The following SDK1 variants were observed in gnomAD, a reference collection of about 807,000 sequenced individuals.
SDK1 encodes protein sidekick-1.
A neutral mutation model predicts 245.5 loss-of-function variants in SDK1; 157 were observed. The observed-to-expected ratio is 0.64, with a 90% CI of 0.56 to 0.73. The LOEUF (loss-of-function observed/expected upper bound fraction) is 0.73. Among genes scored for constraint, SDK1 ranks in the 30% least tolerant of loss-of-function variants. The pLI, the probability that SDK1 is intolerant of heterozygous loss-of-function variation, is 0.00. For missense variants in SDK1, 3,583 were observed against 3,002.3 expected, an observed-to-expected ratio of 1.19 and a Z score of -4.52; for synonymous variants, 1,647 against 1,278.5, an observed-to-expected ratio of 1.29 and a Z score of -6.15.
chr7:4,144,995 C>T (rs375162783), intron 28 of SDK1, among the ~76,000 whole-genome samples: 19 of 152,060 alleles, frequency 1.2e-4, no homozygotes, highest in East Asian at 9.7e-4. Context: ...CAGATGCCAG[C>T]GGGGGAGGCC....
chr7:4,188,968 C>T (rs1314454085), intron 35 of SDK1, among the ~76,000 whole-genome samples: 1 of 151,936 alleles, frequency 6.6e-6, no homozygotes, highest in Non-Finnish European at 1.5e-5. Context: ...ACATTTTTTT[C>T]ATGTTTAGGA....
chr7:4,194,261 T>C (rs891163825), intron 35 of SDK1, among the ~76,000 whole-genome samples: 1 of 150,624 alleles, frequency 6.6e-6, no homozygotes. Context: ...TGTATGCACG[T>C]ATGTGTATAC....
chr7:4,010,965 G>C lies in SDK1; in HGVS notation c.2132-1G>C. On this transcript the variant is annotated splice_acceptor_variant, in intron 14 of 44. Coordinates refer to ENST00000404826, the MANE Select transcript of SDK1 (RefSeq NM_152744.4). LOFTEE classifies it high-confidence loss of function. ...TGAATTCGTTTTCTTCATTCTTTCA[G>C]ACTCTCCATGGAAGGTGCATCTGTC... 1 of 1,614,128 alleles carries C rather than the reference G, an allele frequency of 6.2e-7. No individual in the cohort carries two copies. Among genetic ancestry groups the C allele is most frequent in the Non-Finnish European group, 8.5e-7 (1 of 1,179,996 alleles).
chr7:3,890,922 A>AATCC (rs922445328), intron 5 of SDK1, among the ~76,000 whole-genome samples: 1 of 152,208 alleles, frequency 6.6e-6, no homozygotes, highest in Non-Finnish European at 1.5e-5. Context: ...ATATAGCTAG[A>AATCC]ATCCATCTCA....
chr7:3,341,717 G>C (rs1780353073), intron 1 of SDK1, among the ~76,000 whole-genome samples: 1 of 152,162 alleles, frequency 6.6e-6, no homozygotes, highest in South Asian at 2.1e-4. Context: ...TTGTGAAAAA[G>C]ATACAAACTT....
intron 4 of SDK1, among the ~76,000 whole-genome samples, chr7:3,676,361 T>G (rs1332902211): frequency 6.7e-6 from 1 of 148,712 alleles, no homozygotes. Context: ...AGTCTTGCTC[T>G]GTCGCCCAGG....
intron 1 of SDK1, among the ~76,000 whole-genome samples, chr7:3,431,068 T>C (rs1779831610): frequency 6.6e-6 from 1 of 152,100 alleles, no homozygotes; most frequent in Non-Finnish European, 1.5e-5. Flanking sequence ...GCCTGGCTAA[T>C]TTTTTTATTT....
chr7:3,432,513 G>C (rs1779884077), intron 1 of SDK1, among the ~76,000 whole-genome samples: 2 of 152,158 alleles, frequency 1.3e-5, no homozygotes, highest in African/African-American at 2.4e-5. Context: ...AGAAATAGTA[G>C]TTTGTTATAT....
chr7:3,944,773 A>G (rs978888223), intron 5 of SDK1, among the ~76,000 whole-genome samples: 1 of 152,204 alleles, frequency 6.6e-6, no homozygotes, highest in Non-Finnish European at 1.5e-5. Context: ...CACAATGACA[A>G]AAAGAAAGGG....
At chr7:3,318,379 A>G (rs1779714806) in intron 1 of SDK1, among the ~76,000 whole-genome samples, 1 of 152,230 alleles carries the variant, frequency 6.6e-6, no homozygotes. Flanking sequence ...TCAGGTGCTC[A>G]TTTGTAAAGC....
At chr7:4,210,337 G>A (rs139367625) in intron 38 of SDK1, among the ~76,000 whole-genome samples, 175 bp downstream of exon 38, 129 of 152,304 alleles carry the variant, frequency 8.5e-4, no homozygotes, top group Non-Finnish European at 1.7e-3. Flanking sequence ...CGAGGGGAGC[G>A]GGGACTCGCG....
intron 32 of SDK1, among the ~76,000 whole-genome samples, chr7:4,166,042 A>G (rs1246546634): frequency 7.0e-6 from 1 of 142,434 alleles, no homozygotes; most frequent in African/African-American, 2.7e-5. Flanking sequence ...TCCTTCCTTG[A>G]CCTCCCAAAG....
At chr7:3,753,545 A>G (rs1210813979) in intron 4 of SDK1, among the ~76,000 whole-genome samples, 2 of 152,222 alleles carry the variant, frequency 1.3e-5, no homozygotes, top group South Asian at 2.1e-4. Context: ...CCAGACAGGA[A>G]GGTTCTTGCC....
Position 3,359,777 on chromosome 7 carries a change from T to C in SDK1, c.298+57893T>C, listed in dbSNP as rs529244788. 3.9e-5 allele frequency among the ~76,000 whole-genome samples: 6 copies of C among 152,196 alleles called. No homozygotes were observed. In the South Asian group the frequency reaches 1.2e-3, roughly 32 times the overall value. ...TATCTTCAGGCATTGTGGAACTCTT[T>C]GGGGGATGTGACATTCCAGGGCATT... On this transcript the variant is annotated intron_variant, in intron 1 of 44. Transcript: ENST00000404826.
At chr7:3,465,851 C>T (rs527635405) in intron 1 of SDK1, among the ~76,000 whole-genome samples, 1 of 152,180 alleles carries the variant, frequency 6.6e-6, no homozygotes. Flanking sequence ...ACACTCCAAG[C>T]AGCCATAGGG....
rs187725845 is a variant in SDK1 at position 3,342,402 on chromosome 7, G to A, written c.298+40518G>A. 4.7e-3 allele frequency among the ~76,000 whole-genome samples: 707 copies of A among 152,042 alleles called. 7 individuals carry two copies. The highest frequency in any genetic ancestry group is 0.016 in the African/African-American group (659 of 41,464). ...TCGGGAGTTTGAGATCAGCCTGACC[G>A]ACATGGAGAAACACCGTCTCTACTA... On this transcript the variant is annotated intron_variant, in intron 1 of 44. Transcript: ENST00000404826.
chr7:3,340,801 A>G (rs1005678021), intron 1 of SDK1, among the ~76,000 whole-genome samples: 5 of 151,982 alleles, frequency 3.3e-5, no homozygotes, highest in Admixed American at 1.3e-4. Flanking sequence ...GAAGCACAAT[A>G]AAGTGCAATA....
chr7:4,058,893 T>C (rs563664161), intron 19 of SDK1, among the ~76,000 whole-genome samples: 1 of 152,150 alleles, frequency 6.6e-6, no homozygotes, highest in East Asian at 1.9e-4. Context: ...TCTACCATCA[T>C]GAAAATGTAC....
chr7:3,821,763 T>C (rs1779652552), intron 5 of SDK1, among the ~76,000 whole-genome samples, 180 bp downstream of exon 5: 1 of 152,104 alleles, frequency 6.6e-6, no homozygotes, highest in Admixed American at 6.5e-5. Flanking sequence ...TTCTTCAAAA[T>C]GATATGCGGA....
Sources: allele counts gnomAD v4.1 joint callset (sites outside exome capture counted in the v4.1 genomes callset), GRCh38; gene constraint gnomAD v4.1.1; transcripts MANE v1.5; gene names NCBI Gene and HGNC (gene_info 2026-07-23, HGNC 2026-07-21).